The following WDR93 variants were observed in gnomAD, a reference collection of about 807,000 sequenced individuals.
WDR93 encodes the protein WD repeat domain 93, also known as WD repeat-containing protein 93.
In WDR93, 73 loss-of-function variants were observed where a neutral mutation model predicts 82.9. The observed-to-expected ratio is 0.88, with a 90% CI of 0.73 to 1.07. The LOEUF (loss-of-function observed/expected upper bound fraction) is 1.07. Ranked by LOEUF, WDR93 falls within the 50% of genes least tolerant of loss-of-function variation. The pLI is 0.00. For missense variants in WDR93, 738 were observed against 826.0 expected (o/e 0.89, Z 1.31); for synonymous variants, 283 against 300.1 (o/e 0.94, Z 0.59).
At chr15:89,737,494 C>T in intron 14 of WDR93, 79 bp from the exon 15 acceptor site, 2 of 1,564,804 alleles carry the variant, frequency 1.3e-6, no homozygotes, top group Non-Finnish European at 1.7e-6. Flanking sequence ...TCATTCCTTA[C>T]TGGGGTGACC....
intron 15 of WDR93, 115 bp from the exon 16 acceptor site, chr15:89,737,926 C>A: frequency 7.4e-7 from 1 of 1,344,484 alleles, no homozygotes; most frequent in Non-Finnish European, 1.0e-6. Flanking sequence ...CACAGCTCAA[C>A]CCAGATGACC....
At chr15:89,735,281 TA>T (rs1967072571) in intron 13 of WDR93, among the ~76,000 whole-genome samples, 1 of 152,202 alleles carries the variant, frequency 6.6e-6, no homozygotes. Flanking sequence ...TTCATTACCA[TA>T]TTATATTTCA....
chr15:89,716,857 G>T (rs761733209), intron 6 of WDR93, 54 bp from the exon 7 acceptor site: 35 of 1,228,086 alleles, frequency 2.8e-5, no homozygotes, highest in Non-Finnish European at 3.6e-5. Flanking sequence ...ATTAAAGGGG[G>T]TGGTAAACAT....
chr15:89,735,408 C>A, intron 13 of WDR93, 82 bp from the exon 14 acceptor site: 1 of 1,412,714 alleles, frequency 7.1e-7, no homozygotes, highest in Non-Finnish European at 1.0e-6. Context: ...CTGAATTTCT[C>A]CAGGATATAT....
At chr15:89,742,819 C>A (rs1967785978) in intron 16 of WDR93, among the ~76,000 whole-genome samples, 1 of 152,208 alleles carries the variant, frequency 6.6e-6, no homozygotes, top group Admixed American at 6.5e-5. Context: ...AGGCGTGAGC[C>A]ACCGCGCCTG....
At chr15:89,717,391 T>G (rs1302774843) in intron 7 of WDR93, among the ~76,000 whole-genome samples, 1 of 152,204 alleles carries the variant, frequency 6.6e-6, no homozygotes, top group Non-Finnish European at 1.5e-5. Flanking sequence ...AAATTTACCC[T>G]AAATGTCAAA....
At chr15:89,741,166 A>G (rs761793845) in intron 16 of WDR93, among the ~76,000 whole-genome samples, 1 of 152,194 alleles carries the variant, frequency 6.6e-6, no homozygotes, top group Non-Finnish European at 1.5e-5. Context: ...TAAGTGTTAA[A>G]TATTCTTTAT....
chr15:89,702,437 T>TA (rs976607500), intron 2 of WDR93, among the ~76,000 whole-genome samples: 7 of 152,216 alleles, frequency 4.6e-5, no homozygotes, highest in South Asian at 2.1e-4. Flanking sequence ...GTTCTCAACT[T>TA]ATTTGTTTTT....
chr15:89,724,389 C>T (rs1966650682), intron 8 of WDR93, among the ~76,000 whole-genome samples: 1 of 152,058 alleles, frequency 6.6e-6, no homozygotes, highest in South Asian at 2.1e-4. Flanking sequence ...ACTTTATCAC[C>T]TCTGGGTAGG....
intron 14 of WDR93, among the ~76,000 whole-genome samples, chr15:89,736,042 C>T (rs1482172265): frequency 6.6e-6 from 1 of 152,070 alleles, no homozygotes; most frequent in Admixed American, 6.6e-5. Context: ...GACAGGTGGG[C>T]CAGACCATGG....
At position 89,735,291 on chromosome 15, in the gene WDR93, C is replaced by T. The variant is rs369661093; in HGVS notation, c.1545-199C>T. On this transcript the variant is annotated intron_variant, in intron 13 of 16. Coordinates refer to ENST00000268130, the MANE Select transcript of WDR93 (RefSeq NM_020212.2). Reference sequence around the variant, plus strand: ...TTATTTTCATTACCATATTATATTTCATTGTATAAGATACCACAATGACTT... The same window carrying T: ...TTATTTTCATTACCATATTATATTTTATTGTATAAGATACCACAATGACTT... Among the ~76,000 whole-genome samples the T allele has an allele frequency of 5.9e-5, 9 of 152,312 alleles. 1 individual carries two copies. The East Asian group carries it at 9.6e-4, about 16-fold the overall frequency.
chr15:89,692,680 G>A (rs1031181204), intron 1 of WDR93, among the ~76,000 whole-genome samples: 2 of 152,238 alleles, frequency 1.3e-5, no homozygotes, highest in Non-Finnish European at 2.9e-5. Flanking sequence ...CGCAATGTCA[G>A]CTCACTGCAC....
At chr15:89,715,647 G>T (rs982117712) in intron 6 of WDR93, among the ~76,000 whole-genome samples, 3 of 151,970 alleles carry the variant, frequency 2.0e-5, no homozygotes, top group African/African-American at 7.3e-5. Context: ...GCAGTGGTGC[G>T]ATCTCTGCTC....
Position 89,729,663 on chromosome 15 carries a change from T to G in WDR93, c.1124-20T>G, listed in dbSNP as rs368306437. The G allele has an allele frequency of 2.6e-5, 42 of 1,606,462 alleles. No individual in the cohort carries two copies. Among genetic ancestry groups the G allele is most frequent in the Non-Finnish European group, 3.3e-5 (39 of 1,174,976 alleles). On this transcript the variant is annotated intron_variant, in intron 10 of 16. Transcript: ENST00000268130. ...CCTGTGTAACACCCATTTTCTGTCT[T>G]TCCCCCGCCCCCCCACCAGGAATGG... is the stretch of plus-strand genomic sequence containing the variant.
chr15:89,710,439 G>A (rs1965924808), intron 4 of WDR93, among the ~76,000 whole-genome samples: 1 of 152,166 alleles, frequency 6.6e-6, no homozygotes, highest in Non-Finnish European at 1.5e-5. Context: ...AAGTGTAGTT[G>A]GCTCAAACAG....
chr15:89,707,384 C>T (rs1965767526), intron 4 of WDR93, among the ~76,000 whole-genome samples: 1 of 152,108 alleles, frequency 6.6e-6, no homozygotes, highest in Non-Finnish European at 1.5e-5. Context: ...AACCCCATCT[C>T]TACTAAAAAT....
intron 8 of WDR93, 74 bp from the exon 9 acceptor site, chr15:89,727,083 G>A (rs1966766332): frequency 4.0e-6 from 6 of 1,513,130 alleles, no homozygotes; most frequent in East Asian, 2.3e-5. Context: ...GCTGGGAAGA[G>A]TGGAAGAAGT....
At chr15:89,730,558 A>G (rs909833564) in intron 11 of WDR93, among the ~76,000 whole-genome samples, 1 of 152,152 alleles carries the variant, frequency 6.6e-6, no homozygotes, top group Non-Finnish European at 1.5e-5. Flanking sequence ...AGCTCTTCGA[A>G]ATTGAAACGC....
intron 8 of WDR93, among the ~76,000 whole-genome samples, chr15:89,723,446 C>T (rs1006707981): frequency 6.6e-6 from 1 of 151,940 alleles, no homozygotes; most frequent in Admixed American, 6.6e-5. Flanking sequence ...GGTTCAAAAT[C>T]AAGAACAACC....
Sources: allele counts gnomAD v4.1 joint callset (sites outside exome capture counted in the v4.1 genomes callset), GRCh38; gene constraint gnomAD v4.1.1; transcripts MANE v1.5; gene names NCBI Gene and HGNC (gene_info 2026-07-23, HGNC 2026-07-21).